Variants in PBX1 observed in about 807,000 individuals in gnomAD.
PBX1 encodes PBX homeobox 1, also known as pre-B-cell leukemia transcription factor 1.
In PBX1, 6 loss-of-function variants were observed where a neutral mutation model predicts 53.4. The ratio of observed to expected loss-of-function variants is 0.11; its 90% CI spans 0.06 to 0.22. The LOEUF (loss-of-function observed/expected upper bound fraction) is 0.22, where lower values mean the gene tolerates loss of function less well. Among genes scored for constraint, PBX1 ranks in the 10% least tolerant of loss-of-function variants. The pLI, the probability that PBX1 is intolerant of heterozygous loss-of-function variation, is 1.00. For synonymous variants in PBX1, 204 were observed against 212.3 expected (o/e 0.96, Z 0.34); for missense variants, 251 against 551.4 (o/e 0.46, Z 5.46).
At chr1:164,858,065 C>T (rs969880806) in intron 2 of PBX1, among the ~76,000 whole-genome samples, 4 of 152,054 alleles carry the variant, frequency 2.6e-5, no homozygotes, top group Non-Finnish European at 2.9e-5. Flanking sequence ...TATTTTCTTT[C>T]TTTTATATCA....
Position 164,645,527 on chromosome 1 carries a change from G to T in PBX1, c.265+82216G>T, listed in dbSNP as rs184655719. Reference sequence around the variant, plus strand: ...GTTTGATTTTAAGGCAGAGGAGAAGGGGGGCTTAGGGCTAAAGAGTATAGT... The same window carrying T: ...GTTTGATTTTAAGGCAGAGGAGAAGTGGGGCTTAGGGCTAAAGAGTATAGT... On this transcript the variant is annotated intron_variant, in intron 2 of 8. Coordinates refer to ENST00000420696, the MANE Select transcript of PBX1 (RefSeq NM_002585.4). Among the ~76,000 whole-genome samples, 848 of 151,642 alleles carry T rather than the reference G, an allele frequency of 5.6e-3. 5 individuals carry two copies. The highest frequency in any genetic ancestry group is 8.8e-3 in the Non-Finnish European group (596 of 67,908).
chr1:164,815,461 G>A (rs908195586), intron 6 of PBX1: 1 of 152,178 alleles, frequency 6.6e-6, no homozygotes, highest in African/African-American at 2.4e-5. Flanking sequence ...TCAATGGCAA[G>A]CCCATATACA....
chr1:164,750,152 G>A (rs1441723537), intron 2 of PBX1, among the ~76,000 whole-genome samples: 1 of 146,812 alleles, frequency 6.8e-6, no homozygotes, highest in Non-Finnish European at 1.5e-5. Flanking sequence ...GTTGGTGTGT[G>A]TGTGTGTGTG....
intron 2 of PBX1, among the ~76,000 whole-genome samples, chr1:164,767,208 G>C (rs1266432312): frequency 6.6e-6 from 1 of 151,996 alleles, no homozygotes; most frequent in Non-Finnish European, 1.5e-5. Flanking sequence ...TCTGAGGCAG[G>C]GCAGACTATA....
intron 3 of PBX1, among the ~76,000 whole-genome samples, chr1:164,795,922 A>AC (rs1263856178): frequency 5.9e-5 from 9 of 152,064 alleles, no homozygotes; most frequent in African/African-American, 2.2e-4. Flanking sequence ...ATTGTAGCTC[A>AC]CCCTCACCCT....
intron 2 of PBX1, among the ~76,000 whole-genome samples, chr1:164,866,389 A>G (rs745635152): frequency 6.6e-6 from 1 of 152,350 alleles, no homozygotes; most frequent in East Asian, 1.9e-4. Context: ...TTACCCAGCC[A>G]TGGAGTCACA....
At chr1:164,573,775 C>T (rs570711572) in intron 2 of PBX1, among the ~76,000 whole-genome samples, 25 of 152,264 alleles carry the variant, frequency 1.6e-4, no homozygotes, top group African/African-American at 5.5e-4. Flanking sequence ...CGTGAGCCAC[C>T]GTGCCCAGCA....
intron 2 of PBX1, among the ~76,000 whole-genome samples, chr1:164,629,262 G>A (rs921911902): frequency 1.3e-5 from 2 of 152,142 alleles, no homozygotes; most frequent in Admixed American, 6.5e-5. Context: ...AGCATTTTGA[G>A]TTAAATATGG....
intron 2 of PBX1, among the ~76,000 whole-genome samples, chr1:164,672,730 T>TA (rs930413875): frequency 6.6e-6 from 1 of 152,246 alleles, no homozygotes; most frequent in Non-Finnish European, 1.5e-5. Context: ...ATCATGTGTG[T>TA]ACATCTGATT....
intron 2 of PBX1, chr1:164,703,432 A>C (rs1419700892): frequency 2.6e-5 from 4 of 152,198 alleles, no homozygotes; most frequent in Non-Finnish European, 4.4e-5. Context: ...TATTTAGTTC[A>C]TATGGCTGCC....
intron 2 of PBX1, among the ~76,000 whole-genome samples, chr1:164,648,018 T>A (rs543176855): frequency 1.3e-5 from 2 of 152,154 alleles, no homozygotes; most frequent in African/African-American, 4.8e-5. Flanking sequence ...GGTTTCACCG[T>A]ATTAGCCAGG....
chr1:164,861,676 G>A (rs1195832742), intron 2 of PBX1, among the ~76,000 whole-genome samples: 2 of 152,106 alleles, frequency 1.3e-5, no homozygotes, highest in Non-Finnish European at 2.9e-5. Context: ...AGGGAAAGAG[G>A]TAAGAAAGGA....
intron 2 of PBX1, among the ~76,000 whole-genome samples, chr1:164,872,315 T>C (rs529526043): frequency 2.6e-4 from 40 of 152,312 alleles, no homozygotes; most frequent in African/African-American, 9.6e-4. Flanking sequence ...TTATATATTG[T>C]ATAGCAACCT....
At chr1:164,705,143 C>T (rs1663354679) in intron 2 of PBX1, among the ~76,000 whole-genome samples, 1 of 152,122 alleles carries the variant, frequency 6.6e-6, no homozygotes, top group Non-Finnish European at 1.5e-5. Flanking sequence ...TTCCTGGCTT[C>T]CACCCATAGA....
rs183920670 is a variant in PBX1 at position 164,692,608 on chromosome 1, A to T, written c.266-99886A>T. ...AAGAAATGCTGGAAAGATAAGCAAGAAATGAAGAAAAATGGTTATCAGTAG... is the reference window on the plus strand; with the variant it reads ...AAGAAATGCTGGAAAGATAAGCAAGTAATGAAGAAAAATGGTTATCAGTAG... On this transcript the variant is annotated intron_variant, in intron 2 of 8. Transcript: ENST00000420696. 2.6e-5 allele frequency among the ~76,000 whole-genome samples: 4 copies of T among 152,284 alleles called. No homozygotes were observed. The East Asian group carries it at 7.7e-4, about 29-fold the overall frequency.
In PBX1 at chr1:164,761,657, A is replaced by G. The variant is rs1571355041; in HGVS notation, c.266-30837A>G. On this transcript the variant is annotated intron_variant, in intron 2 of 8. Transcript: ENST00000420696. ...ACGGGGTTTCACCGTGTTAGCCAGG[A>G]TGGTCTCGATCTCCTGACCTCATGA... is the stretch of plus-strand genomic sequence containing the variant. Among the ~76,000 whole-genome samples the G allele has an allele frequency of 2.0e-5, 3 of 152,164 alleles. No individual in the cohort carries two copies. The East Asian group carries it at 5.8e-4, about 29-fold the overall frequency.
intron 2 of PBX1, among the ~76,000 whole-genome samples, chr1:164,739,718 C>T (rs751712318): frequency 4.0e-5 from 6 of 151,512 alleles, no homozygotes; most frequent in Non-Finnish European, 7.4e-5. Flanking sequence ...GGATTGGACA[C>T]GGTTCCTGCT....
intron 2 of PBX1, among the ~76,000 whole-genome samples, chr1:164,753,516 C>T (rs757196012): frequency 2.0e-5 from 3 of 152,160 alleles, no homozygotes; most frequent in Non-Finnish European, 2.9e-5. Flanking sequence ...ACATTAGTCC[C>T]CAAGTTTGTG....
chr1:164,621,978 C>CA (rs1557897160), intron 2 of PBX1, among the ~76,000 whole-genome samples: 2 of 152,272 alleles, frequency 1.3e-5, no homozygotes, highest in East Asian at 3.9e-4. Context: ...ACCCTGGTTG[C>CA]ATAGCTTTTG....
Sources: allele counts gnomAD v4.1 joint callset (sites outside exome capture counted in the v4.1 genomes callset), GRCh38; gene constraint gnomAD v4.1.1; transcripts MANE v1.5; gene names NCBI Gene and HGNC (gene_info 2026-07-23, HGNC 2026-07-21).